TAFA4: variants seen among roughly 807,000 people sequenced by gnomAD.
TAFA4 encodes TAFA chemokine like family member 4.
Under a neutral mutation model 21.1 loss-of-function variants are expected in TAFA4, and 20 were observed. The ratio of observed to expected loss-of-function variants is 0.95; its 90% confidence interval spans 0.67 to 1.38. TAFA4 has a LOEUF of 1.38. TAFA4 is among the 40% of genes most tolerant of loss of function. The probability of loss-of-function intolerance (pLI) is 0.00; values close to 1 mark genes in which losing one functional copy is unlikely to be tolerated. For missense variants in TAFA4, 211 were observed against 180.9 expected (o/e 1.17, Z -0.95); for synonymous variants, 71 against 67.4 (o/e 1.05, Z -0.26).
At chr3:68,773,278 A>G (rs948087949) in intron 3 of TAFA4, among the ~76,000 whole-genome samples, 7 of 152,138 alleles carry the variant, frequency 4.6e-5, no homozygotes, top group Non-Finnish European at 7.4e-5. Context: ...CTCTATATGT[A>G]TAGTTTCCAT....
At chr3:68,734,768 T>C (rs1045248106) in intron 5 of TAFA4, among the ~76,000 whole-genome samples, 3 of 152,086 alleles carry the variant, frequency 2.0e-5, no homozygotes, top group African/African-American at 7.2e-5. Context: ...AATATGTGAC[T>C]TGAATGACAC....
intron 1 of TAFA4, among the ~76,000 whole-genome samples, chr3:68,891,160 A>C (rs1167063428): frequency 6.6e-6 from 1 of 152,244 alleles, no homozygotes; most frequent in East Asian, 1.9e-4. Context: ...AGAACATCAT[A>C]CATGAAGGCT....
chr3:68,741,717 G>A (rs142109528), intron 4 of TAFA4, among the ~76,000 whole-genome samples: 14 of 151,954 alleles, frequency 9.2e-5, no homozygotes, highest in African/African-American at 2.2e-4. Context: ...GTGTGAACCC[G>A]GGAGGTGGAG....
intron 4 of TAFA4, among the ~76,000 whole-genome samples, chr3:68,752,289 C>T (rs1481692959): frequency 6.6e-6 from 1 of 152,146 alleles, no homozygotes; most frequent in Non-Finnish European, 1.5e-5. Context: ...AGAAATCAAT[C>T]CCAGGCCTCC....
rs544747040 is a variant in TAFA4 at position 68,835,944 on chromosome 3, C to T, written c.130+44786G>A. Among the ~76,000 whole-genome samples, 6 of 152,294 alleles carry T rather than the reference C, an allele frequency of 3.9e-5. No homozygotes were observed. In the East Asian group the frequency reaches 1.2e-3, roughly 29 times the overall value. The stretch of plus-strand genomic sequence containing the variant: ...ATGTGTGATGTTTCAAACACACCTA[C>T]CAAATTGCCCTTTCACTTTGTGTTG... On this transcript the variant is annotated intron_variant, in intron 3 of 5. Coordinates refer to ENST00000295569, the MANE Select transcript of TAFA4 (RefSeq NM_182522.5).
chr3:68,821,615 CTT>C (rs201851066), intron 3 of TAFA4, among the ~76,000 whole-genome samples: 6 of 106,426 alleles, frequency 5.6e-5, no homozygotes, highest in Admixed American at 9.3e-5. Flanking sequence ...CCAAAGTGTG[CTT>C]TTTTTTTTTT....
At chr3:68,760,917 G>A (rs1702745597) in intron 3 of TAFA4, among the ~76,000 whole-genome samples, 3 of 152,212 alleles carry the variant, frequency 2.0e-5, no homozygotes, top group Non-Finnish European at 4.4e-5. Flanking sequence ...CTATGTGCCA[G>A]GGCCTCTGCC....
intron 4 of TAFA4, among the ~76,000 whole-genome samples, chr3:68,741,134 T>C (rs1480095360): frequency 6.6e-6 from 1 of 152,230 alleles, no homozygotes; most frequent in African/African-American, 2.4e-5. Flanking sequence ...TTGGGGTCTT[T>C]TGTGGTTCTA....
intron 4 of TAFA4, among the ~76,000 whole-genome samples, chr3:68,740,311 G>T (rs1048668363): frequency 6.6e-6 from 1 of 152,156 alleles, no homozygotes; most frequent in Non-Finnish European, 1.5e-5. Context: ...TAAGTTTGAT[G>T]CTGTCAATAG....
chr3:68,917,275 T>C (rs1025385295), intron 1 of TAFA4, among the ~76,000 whole-genome samples: 1 of 152,162 alleles, frequency 6.6e-6, no homozygotes, highest in Non-Finnish European at 1.5e-5. Context: ...TATTTCCTCA[T>C]CAGGTTAATG....
chr3:68,734,783 C>T (rs537527544), intron 5 of TAFA4, among the ~76,000 whole-genome samples: 2 of 152,140 alleles, frequency 1.3e-5, no homozygotes, highest in South Asian at 4.2e-4. Flanking sequence ...TGACACAGCC[C>T]AGTGGTTGAC....
chr3:68,859,004 TG>T (rs1387010665), intron 3 of TAFA4, among the ~76,000 whole-genome samples: 2 of 150,856 alleles, frequency 1.3e-5, no homozygotes, highest in Admixed American at 6.6e-5. Flanking sequence ...GGTGGGGAGC[TG>T]GGGGGCAGCC....
chr3:68,877,991 G>A (rs62256108), intron 3 of TAFA4, among the ~76,000 whole-genome samples: 7,840 of 152,232 alleles, frequency 0.052, 268 homozygotes, highest in Non-Finnish European at 0.077. Context: ...GGTTCAGAGA[G>A]GTTAAGTGGC....
At chr3:68,832,522 A>T (rs970912107) in intron 3 of TAFA4, among the ~76,000 whole-genome samples, 1 of 151,286 alleles carries the variant, frequency 6.6e-6, no homozygotes, top group Non-Finnish European at 1.5e-5. Flanking sequence ...GGCTGCAGAA[A>T]AGCAAATATT....
At chr3:68,800,046 A>G (rs139631522) in intron 3 of TAFA4, among the ~76,000 whole-genome samples, 2 of 152,202 alleles carry the variant, frequency 1.3e-5, no homozygotes, top group Admixed American at 6.5e-5. Context: ...ATTGCCCCCA[A>G]ATGGGACTAA....
intron 3 of TAFA4, among the ~76,000 whole-genome samples, chr3:68,798,520 C>CT (rs1384639105): frequency 6.6e-6 from 1 of 152,124 alleles, no homozygotes; most frequent in African/African-American, 2.4e-5. Context: ...TATGTTCCAG[C>CT]TTCATGCATG....
intron 3 of TAFA4, among the ~76,000 whole-genome samples, chr3:68,825,432 T>G (rs996282597): frequency 6.6e-6 from 1 of 151,576 alleles, no homozygotes; most frequent in Non-Finnish European, 1.5e-5. Context: ...CAAAGGAATA[T>G]AAATTATTCT....
chr3:68,814,040 A>G (rs1703903543), intron 3 of TAFA4, among the ~76,000 whole-genome samples: 1 of 152,248 alleles, frequency 6.6e-6, no homozygotes. Flanking sequence ...GTAATCCAGC[A>G]TATAAATAGA....
intron 3 of TAFA4, among the ~76,000 whole-genome samples, chr3:68,871,668 A>G (rs1197311107): frequency 2.0e-5 from 3 of 152,120 alleles, no homozygotes. Flanking sequence ...TCAATTAATA[A>G]GCAGCATATA....
Sources: allele counts gnomAD v4.1 joint callset (sites outside exome capture counted in the v4.1 genomes callset), GRCh38; gene constraint gnomAD v4.1.1; transcripts MANE v1.5; gene names NCBI Gene and HGNC (gene_info 2026-07-23, HGNC 2026-07-21).